Variants in USP32 observed in about 807,000 individuals in gnomAD.
USP32 encodes the protein ubiquitin carboxyl-terminal hydrolase 32.
USP32 carries 59 observed loss-of-function variants against 204.8 expected under a neutral mutation model. The ratio of observed to expected loss-of-function variants is 0.29; its 90% CI spans 0.23 to 0.36. The LOEUF (loss-of-function observed/expected upper bound fraction) is 0.36, where lower values mean the gene tolerates loss of function less well. Ranked by LOEUF, USP32 falls within the 10% of genes least tolerant of loss-of-function variation. USP32 has a pLI of 1.00. For synonymous variants in USP32, 517 were observed against 678.4 expected (o/e 0.76, Z 3.70); for missense variants, 1,160 against 1,946.4 (o/e 0.60, Z 7.60).
At chr17:60,391,534 G>A (rs1157034569) in intron 1 of USP32, among the ~76,000 whole-genome samples, 1 of 152,126 alleles carries the variant, frequency 6.6e-6, no homozygotes, top group Admixed American at 6.5e-5. Flanking sequence ...GGAGAAAATG[G>A]CAATGAAGGA....
At chr17:60,303,316 C>A (rs556298915) in intron 2 of USP32, among the ~76,000 whole-genome samples, 53 of 151,948 alleles carry the variant, frequency 3.5e-4, no homozygotes, top group Admixed American at 3.9e-4. Context: ...AACATAATGG[C>A]CCCAGACCTT....
chr17:60,396,870 T>G (rs1326845067), upstream of USP32, among the ~76,000 whole-genome samples: 1 of 152,254 alleles, frequency 6.6e-6, no homozygotes, highest in Non-Finnish European at 1.5e-5. Flanking sequence ...TGTCTCGCCC[T>G]TCTCTACTCC....
intron 1 of USP32, among the ~76,000 whole-genome samples, chr17:60,374,580 T>G (rs765270466): frequency 6.6e-6 from 1 of 152,036 alleles, no homozygotes; most frequent in Non-Finnish European, 1.5e-5. Context: ...GAGACAGGTT[T>G]TCACCATGTT....
chr17:60,205,920 A>C (rs1184979925), intron 25 of USP32, among the ~76,000 whole-genome samples: 1 of 152,264 alleles, frequency 6.6e-6, no homozygotes, highest in Non-Finnish European at 1.5e-5. Context: ...CTGTATCAGC[A>C]CCATGTTGTA....
chr17:60,259,160 T>C (rs2086390288), intron 9 of USP32, among the ~76,000 whole-genome samples: 2 of 152,166 alleles, frequency 1.3e-5, no homozygotes, highest in Non-Finnish European at 2.9e-5. Flanking sequence ...ACACATTTTA[T>C]GGTAAGTAGC....
intron 29 of USP32, among the ~76,000 whole-genome samples, chr17:60,187,826 A>G (rs1039733752): frequency 1.1e-4 from 16 of 152,192 alleles, no homozygotes; most frequent in African/African-American, 3.6e-4. Context: ...TAAATAATCT[A>G]TAAATTACTT....
chr17:60,421,748 C>G (rs773774214), intron 1 of USP32: 81 of 830,356 alleles, frequency 9.8e-5, no homozygotes, highest in Non-Finnish European at 1.1e-4. Flanking sequence ...CTCTGCCCAC[C>G]GCGTTTCCGC....
intron 26 of USP32, among the ~76,000 whole-genome samples, chr17:60,203,421 AGAAT>A (rs2084737590): frequency 6.8e-6 from 1 of 148,024 alleles, no homozygotes; most frequent in Admixed American, 7.0e-5. Flanking sequence ...AAAAAAAAAA[AGAAT>A]ATATTTCTGT....
At chr17:60,271,178 A>C (rs1383209978) in intron 6 of USP32, among the ~76,000 whole-genome samples, 172 bp downstream of exon 6, 1 of 152,220 alleles carries the variant, frequency 6.6e-6, no homozygotes, top group African/African-American at 2.4e-5. Context: ...AACAGGTAGA[A>C]TATCAGGCTC....
chr17:60,217,461 AT>A (rs1409469996), intron 16 of USP32, among the ~76,000 whole-genome samples: 1 of 152,018 alleles, frequency 6.6e-6, no homozygotes, highest in Non-Finnish European at 1.5e-5. Flanking sequence ...CACATGGCTA[AT>A]TTTTGTATTT....
intron 2 of USP32, chr17:60,315,817 A>G (rs554361141): frequency 6.6e-6 from 1 of 152,508 alleles, no homozygotes; most frequent in African/African-American, 2.4e-5. Context: ...GAATAAGTAA[A>G]TAAGTCTCTA....
chr17:60,295,403 A>G (rs1056455723), intron 3 of USP32, among the ~76,000 whole-genome samples: 1 of 152,264 alleles, frequency 6.6e-6, no homozygotes, highest in Non-Finnish European at 1.5e-5. Context: ...TGTATAGTAC[A>G]GTAGTACCCC....
chr17:60,261,910 A>G (rs1464291879), intron 9 of USP32, among the ~76,000 whole-genome samples: 1 of 152,188 alleles, frequency 6.6e-6, no homozygotes, highest in Non-Finnish European at 1.5e-5. Context: ...AAACGTCATG[A>G]AAAGAAATAA....
intron 1 of USP32, among the ~76,000 whole-genome samples, chr17:60,421,022 A>G (rs576991453): frequency 4.0e-4 from 61 of 152,296 alleles, no homozygotes; most frequent in South Asian, 1.0e-3. Context: ...AATTCCTCCT[A>G]TAAGTAGAAT....
At chr17:60,372,686 A>G (rs1300222604) in intron 1 of USP32, among the ~76,000 whole-genome samples, 1 of 151,336 alleles carries the variant, frequency 6.6e-6, no homozygotes, top group Non-Finnish European at 1.5e-5. Flanking sequence ...ACATTAAAAA[A>G]AAAAAAAGAA....
At chr17:60,347,070 A>G (rs1444620238) in intron 1 of USP32, among the ~76,000 whole-genome samples, 1 of 152,186 alleles carries the variant, frequency 6.6e-6, no homozygotes, top group Non-Finnish European at 1.5e-5. Context: ...AAGAGAACAG[A>G]ACAAATCTGG....
chr17:60,255,063 TAATATATGG>T, intron 10 of USP32, 103 bp downstream of exon 10: 1 of 614,310 alleles, frequency 1.6e-6, no homozygotes, highest in Non-Finnish European at 2.6e-6. Flanking sequence ...TTTTTTTTTT[TAATATATGG>T]TTTTGCAGCC....
chr17:60,403,894 G>C (rs2089955535), intron 1 of USP32, among the ~76,000 whole-genome samples: 1 of 152,002 alleles, frequency 6.6e-6, no homozygotes, highest in South Asian at 2.1e-4. Context: ...TAAAAAATTA[G>C]CCAGGCAGTT....
intron 6 of USP32, among the ~76,000 whole-genome samples, chr17:60,270,682 G>A (rs1173159851): frequency 6.6e-6 from 1 of 151,952 alleles, no homozygotes; most frequent in African/African-American, 2.4e-5. Flanking sequence ...AATTAGCCGG[G>A]CATGGTGGCA....
Sources: gnomAD v4.1 joint callset for allele counts (sites outside exome capture counted in the v4.1 genomes callset) on GRCh38, gnomAD v4.1.1 for gene constraint, MANE v1.5 for transcripts, NCBI Gene and HGNC (gene_info 2026-07-23, HGNC 2026-07-21) for gene names.